Variants in MFN1 observed in about 807,000 individuals in gnomAD.
MFN1 encodes mitofusin 1, also known as mitofusin-1.
Under a neutral mutation model 92.4 loss-of-function variants are expected in MFN1, and 65 were observed. That is an observed-to-expected ratio of 0.70 (90% CI 0.58 to 0.86). MFN1 has a LOEUF of 0.86. Among genes scored for constraint, MFN1 ranks in the 40% least tolerant of loss-of-function variants. MFN1 has a pLI of 0.00. For missense variants in MFN1, 781 were observed against 868.0 expected (o/e 0.90, Z 1.26); for synonymous variants, 297 against 300.9 (o/e 0.99, Z 0.13).
At chr3:179,351,872 C>CT (rs1712159910) in intron 2 of MFN1, 28 bp from the exon 3 acceptor site, 1 of 1,579,348 alleles carries the variant, frequency 6.3e-7, no homozygotes, top group African/African-American at 1.4e-5. Flanking sequence ...ATTTATATCA[C>CT]TTTTCTAATG....
rs568023998 is a variant in MFN1 at position 179,348,792 on chromosome 3, G to T, written c.-7-53G>T. 4 of 1,582,692 alleles carry T rather than the reference G, an allele frequency of 2.5e-6. No individual in the cohort carries two copies. The African/African-American group carries it at 4.0e-5, about 16-fold the overall frequency. On this transcript the variant is annotated intron_variant, in intron 1 of 17. Coordinates refer to ENST00000471841, the MANE Select transcript of MFN1 (RefSeq NM_033540.3). Reference sequence around the variant, plus strand: ...AATGTCACTGGTGTGTCATCAGTTTGCATGTCTATCATCCACTTTAGTTGG... The same window carrying T: ...AATGTCACTGGTGTGTCATCAGTTTTCATGTCTATCATCCACTTTAGTTGG...
chr3:179,386,529 A>G lies in MFN1; in HGVS notation c.1912A>G (p.Lys638Glu). The G allele has an allele frequency of 6.2e-7, 1 of 1,614,148 alleles. No homozygotes were observed. Residue 638 changes from lysine (K) to glutamate (E), a missense_variant, in exon 16 of 18, where the codon AAG (lysine) becomes GAG (glutamate). Physicochemically the swap from Lys to Glu is moderately conservative, Grantham distance 56 (BLOSUM62 1). Coordinates refer to ENST00000471841, the MANE Select transcript of MFN1 (RefSeq NM_033540.3). ...AAGACTGAGCTGGACCACCCATGCCAAGGAGCGAGCCTTTAAACAGCAGTT... is the reference window on the plus strand; with the variant it reads ...AAGACTGAGCTGGACCACCCATGCCGAGGAGCGAGCCTTTAAACAGCAGTT... Reference protein sequence around the residue: ...YERLSWTTHAKERAFKQQFVN... With the variant: ...YERLSWTTHAEERAFKQQFVN...
intron 1 of MFN1, among the ~76,000 whole-genome samples, chr3:179,348,557 A>G (rs1712011077): frequency 6.6e-6 from 1 of 152,250 alleles, no homozygotes; most frequent in African/African-American, 2.4e-5. Context: ...TTAGAGTCAC[A>G]TGCAGTGACA....
chr3:179,353,903 C>T (rs934285769), intron 3 of MFN1, among the ~76,000 whole-genome samples: 2 of 152,256 alleles, frequency 1.3e-5, no homozygotes, highest in Non-Finnish European at 2.9e-5. Context: ...CATATTTCAT[C>T]CTAAATGTTA....
chr3:179,358,959 C>G lies in MFN1; in HGVS notation c.368C>G (p.Ala123Gly). The stretch of plus-strand genomic sequence containing the variant: ...GTTGAAGGAACTGATGGAGATAAAG[C>G]CTATCTTATGACAGAAGGATCAGAT... ...LSVEGTDGDKAYLMTEGSDEK... is the reference protein window; with the variant it reads ...LSVEGTDGDKGYLMTEGSDEK... The change falls in exon 4 of 18, where the codon GCC (alanine) becomes GGC (glycine). Residue 123 changes from alanine to glycine, a missense_variant. By Grantham distance (60) the Ala-to-Gly change is moderately conservative (BLOSUM62 0). Coordinates refer to ENST00000471841, the MANE Select transcript of MFN1 (RefSeq NM_033540.3). 6.2e-7 allele frequency: 1 copy of G among 1,613,804 alleles called. No individual in the cohort carries two copies. Among genetic ancestry groups the G allele is most frequent in the Non-Finnish European group, 8.5e-7 (1 of 1,179,930 alleles).
intron 14 of MFN1, among the ~76,000 whole-genome samples, chr3:179,384,100 C>A (rs1713578618): frequency 6.6e-6 from 1 of 152,098 alleles, no homozygotes; most frequent in Non-Finnish European, 1.5e-5. Flanking sequence ...TGGTTTCTTT[C>A]ACTTAGTATA....
chr3:179,350,624 C>T (rs1047917819), intron 2 of MFN1, among the ~76,000 whole-genome samples: 5 of 151,948 alleles, frequency 3.3e-5, no homozygotes, highest in African/African-American at 9.7e-5. Context: ...GGAGACAAAG[C>T]AAATAAATCA....
rs766131673 is a variant in MFN1 at position 179,393,477 on chromosome 3, A to G, written c.*1418A>G. ...ATGCCTTTTAAGGCTTCTAGATGCT[A>G]TTCAGCCTTTTTACAGCAGGTGCAA... On this transcript the variant is annotated 3_prime_UTR_variant, in exon 18 of 18. Transcript: ENST00000471841. 6 of 151,854 alleles carry G rather than the reference A, an allele frequency of 4.0e-5. No individual in the cohort carries two copies. The highest frequency in any genetic ancestry group is 7.4e-5 in the Non-Finnish European group (5 of 67,988). 9.4% of individuals were successfully genotyped at this position (151,854 alleles called of 1,614,324 possible).
At chr3:179,388,177 C>T (rs948986984) in intron 16 of MFN1, among the ~76,000 whole-genome samples, 3 of 152,146 alleles carry the variant, frequency 2.0e-5, no homozygotes, top group African/African-American at 4.8e-5. Flanking sequence ...GCGTGAGCCA[C>T]CGCGCCCAGC....
rs748813891 is a variant in MFN1 at position 179,385,693 on chromosome 3, C to T, written c.1787C>T (p.Ser596Phe). ...TTGGCGTCCGTTACATCTAGAACTT[C>T]TATGGGCATCATTATTGTTGGAGGA... ...TGLASVTSRT[S>F]MGIIIVGGVI... is the part of the protein sequence containing the mutation. The change falls in exon 15 of 18, where the codon TCT becomes TTT. Residue 596 changes from serine to phenylalanine, a missense_variant. By Grantham distance (155) the Ser-to-Phe change is radical. Transcript: ENST00000471841. 1 of 1,613,174 alleles carries T rather than the reference C, an allele frequency of 6.2e-7. No homozygotes were observed. The highest frequency in any genetic ancestry group is 8.5e-7 in the Non-Finnish European group (1 of 1,179,782).
At chr3:179,362,610 G>A in intron 5 of MFN1, 128 bp downstream of exon 5, 1 of 727,132 alleles carries the variant, frequency 1.4e-6, no homozygotes, top group Non-Finnish European at 2.1e-6. Flanking sequence ...CTAGATTAAG[G>A]AAGAGATATG....
At chr3:179,381,508 C>T (rs558180184) in intron 14 of MFN1, among the ~76,000 whole-genome samples, 14 of 152,274 alleles carry the variant, frequency 9.2e-5, no homozygotes, top group African/African-American at 2.6e-4. Flanking sequence ...AGTTTGAATA[C>T]GTTATTTTTC....
intron 4 of MFN1, 140 bp downstream of exon 4, chr3:179,359,142 C>T (rs188812271): frequency 2.7e-4 from 273 of 1,026,256 alleles, no homozygotes; most frequent in Non-Finnish European, 3.3e-4. Context: ...TTTTTTTAGA[C>T]GGAATTTCGC....
intron 3 of MFN1, among the ~76,000 whole-genome samples, chr3:179,356,803 G>C (rs1337081175): frequency 6.6e-6 from 1 of 152,024 alleles, no homozygotes; most frequent in Non-Finnish European, 1.5e-5. Context: ...ATATGGGGTG[G>C]AGGGACCCAA....
intron 3 of MFN1, among the ~76,000 whole-genome samples, chr3:179,353,032 G>A (rs928105628): frequency 1.3e-5 from 2 of 149,684 alleles, no homozygotes; most frequent in Admixed American, 1.3e-4. Context: ...AATTACAGGC[G>A]TGAGCCACCG....
At chr3:179,352,620 C>G (rs1363454629) in intron 3 of MFN1, among the ~76,000 whole-genome samples, 1 of 152,230 alleles carries the variant, frequency 6.6e-6, no homozygotes, top group African/African-American at 2.4e-5. Context: ...CCAAATAACT[C>G]TTGTTTCTAG....
At chr3:179,374,954 AT>A (rs780304624) in intron 9 of MFN1, among the ~76,000 whole-genome samples, 10 of 151,980 alleles carry the variant, frequency 6.6e-5, no homozygotes, top group African/African-American at 2.4e-4. Flanking sequence ...TACCCTGTTT[AT>A]TTTTTTTAAT....
At chr3:179,363,687 T>C (rs1346131603) in intron 5 of MFN1, among the ~76,000 whole-genome samples, 2 of 151,340 alleles carry the variant, frequency 1.3e-5, no homozygotes, top group African/African-American at 4.9e-5. Flanking sequence ...GGAGTCAGGG[T>C]TTTGTCATGT....
chr3:179,377,281 A>T (rs899793034), intron 11 of MFN1, 63 bp from the exon 12 acceptor site: 4 of 1,519,188 alleles, frequency 2.6e-6, no homozygotes, highest in Non-Finnish European at 3.6e-6. Flanking sequence ...TTTCAATTTA[A>T]TTTTTTTGAA....
Sources: allele counts gnomAD v4.1 joint callset (sites outside exome capture counted in the v4.1 genomes callset), GRCh38; gene constraint gnomAD v4.1.1; transcripts MANE v1.5; gene names NCBI Gene and HGNC (gene_info 2026-07-23, HGNC 2026-07-21).